NRAP: variants seen among roughly 807,000 people sequenced by gnomAD.
NRAP encodes nebulin related anchoring protein, also known as nebulin-related-anchoring protein.
In NRAP, 189 loss-of-function variants were observed where a neutral mutation model predicts 225.9. The observed-to-expected ratio is 0.84, with a 90% CI of 0.74 to 0.94. The LOEUF (loss-of-function observed/expected upper bound fraction) is 0.94, where lower values mean the gene tolerates loss of function less well. Among genes scored for constraint, NRAP ranks in the 40% least tolerant of loss-of-function variants. NRAP has a pLI of 0.00. For synonymous variants in NRAP, 769 were observed against 790.7 expected (o/e 0.97, Z 0.46); for missense variants, 2,176 against 2,168.7 (o/e 1.00, Z -0.07).
intron 25 of NRAP, among the ~76,000 whole-genome samples, chr10:113,619,199 A>T (rs758029311): frequency 1.3e-5 from 2 of 152,208 alleles, no homozygotes; most frequent in African/African-American, 4.8e-5. Flanking sequence ...CCAGATTAAG[A>T]CACACGAAGG....
chr10:113,635,271 A>G (rs1283977758), intron 14 of NRAP, among the ~76,000 whole-genome samples: 2 of 152,226 alleles, frequency 1.3e-5, no homozygotes, highest in Non-Finnish European at 2.9e-5. Flanking sequence ...AGTGAAGTAA[A>G]GGAACAGGTT....
chr10:113,617,772 C>T (rs1847756115), intron 25 of NRAP, among the ~76,000 whole-genome samples: 1 of 152,094 alleles, frequency 6.6e-6, no homozygotes, highest in Non-Finnish European at 1.5e-5. Context: ...CTACCTGGTG[C>T]AAAGAAAACA....
In NRAP at chr10:113,592,181, A is replaced by C. The variant is rs146627743; in HGVS notation, c.4644+13T>G. 6.5e-6 allele frequency: 10 copies of C among 1,548,340 alleles called. No homozygotes were observed. In the African/African-American group the frequency reaches 1.2e-4, roughly 19 times the overall value. ...CTCATCAGTGACCGCAGGAGAGAAC[A>C]TGGGGGTCTTACATCACTGGCGATC... On this transcript the variant is annotated intron_variant, in intron 39 of 41. Coordinates refer to ENST00000359988, the MANE Select transcript of NRAP (RefSeq NM_198060.4).
At chr10:113,609,896 A>T (rs1261791666) in intron 31 of NRAP, among the ~76,000 whole-genome samples, 1 of 152,090 alleles carries the variant, frequency 6.6e-6, no homozygotes, top group Non-Finnish European at 1.5e-5. Flanking sequence ...TTATATGTTA[A>T]TAGAGGAACT....
intron 18 of NRAP, among the ~76,000 whole-genome samples, chr10:113,630,022 C>A (rs1021936079): frequency 6.6e-6 from 1 of 152,152 alleles, no homozygotes; most frequent in Non-Finnish European, 1.5e-5. Context: ...AATGCTAAAC[C>A]TTTTCACCCG....
chr10:113,620,951 C>T (rs950216602), intron 24 of NRAP, among the ~76,000 whole-genome samples: 9 of 152,254 alleles, frequency 5.9e-5, no homozygotes, highest in East Asian at 3.9e-4. Flanking sequence ...TTGGGGGTGA[C>T]GCAGGAGGGG....
chr10:113,590,976 C>CA, intron 39 of NRAP, 87 bp from the exon 40 acceptor site: 2 of 1,184,552 alleles, frequency 1.7e-6, no homozygotes, highest in Non-Finnish European at 2.4e-6. Context: ...AGGGCATTCT[C>CA]AGCAGGAGGC....
At chr10:113,640,094 C>T (rs1026075390) in intron 14 of NRAP, 133 bp downstream of exon 14, 4 of 535,486 alleles carry the variant, frequency 7.5e-6, no homozygotes, top group African/African-American at 6.0e-5. Flanking sequence ...AAAAGGATTT[C>T]CCTTTCCTCA....
chr10:113,621,001 G>A lies in NRAP; in HGVS notation c.2770-293C>T, dbSNP rs746215812. Among the ~76,000 whole-genome samples, 27 of 152,120 alleles carry A rather than the reference G, an allele frequency of 1.8e-4. No individual in the cohort carries two copies. The East Asian group carries it at 2.7e-3, about 15-fold the overall frequency. Reference sequence around the variant, plus strand: ...CCCCTCATTACGGACGAGTCTACTCGGAAAGAAGCACGTCCTCATTGTCTG... The same window carrying A: ...CCCCTCATTACGGACGAGTCTACTCAGAAAGAAGCACGTCCTCATTGTCTG... On this transcript the variant is annotated intron_variant, in intron 24 of 41. Transcript: ENST00000359988.
intron 35 of NRAP, among the ~76,000 whole-genome samples, chr10:113,598,349 T>C (rs1246742118): frequency 6.7e-6 from 1 of 150,328 alleles, no homozygotes; most frequent in Non-Finnish European, 1.5e-5. Context: ...ATGTGGACGA[T>C]CGCATAAAGA....
At chr10:113,592,362 C>T in intron 38 of NRAP, 61 bp from the exon 39 acceptor site, 1 of 1,132,704 alleles carries the variant, frequency 8.8e-7, no homozygotes, top group Non-Finnish European at 1.3e-6. Flanking sequence ...TTCCATGTTG[C>T]TGGTACTCAG....
intron 12 of NRAP, 34 bp downstream of exon 12, chr10:113,642,900 G>C: frequency 9.1e-7 from 1 of 1,102,810 alleles, no homozygotes; most frequent in South Asian, 1.2e-5. Flanking sequence ...CTCACCAACA[G>C]TGCCCAAACA....
intron 25 of NRAP, 89 bp from the exon 26 acceptor site, chr10:113,617,642 G>A (rs79013904): frequency 1.2e-6 from 1 of 802,256 alleles, no homozygotes; most frequent in Non-Finnish European, 2.2e-6. Flanking sequence ...CTTGAGATTA[G>A]AGTGAATTTG....
At chr10:113,614,794 G>C (rs374518463) in intron 28 of NRAP, 45 bp downstream of exon 28, 1 of 1,143,034 alleles carries the variant, frequency 8.7e-7, no homozygotes, top group Non-Finnish European at 1.3e-6. Context: ...GAGTGAAAAC[G>C]GGTTAGTGTT....
At chr10:113,620,500 T>C (rs1847920753) in intron 25 of NRAP, 104 bp downstream of exon 25, 1 of 835,604 alleles carries the variant, frequency 1.2e-6, no homozygotes, top group Admixed American at 2.0e-5. Context: ...TCATGTGGCT[T>C]TGCCTTTTTC....
chr10:113,663,497 C>T (rs553664962), intron 1 of NRAP, 51 bp from the exon 2 acceptor site: 4 of 1,139,316 alleles, frequency 3.5e-6, no homozygotes, highest in Non-Finnish European at 5.3e-6. Context: ...CCCCCAGACT[C>T]AAGGTTCTTA....
intron 22 of NRAP, 96 bp from the exon 23 acceptor site, chr10:113,623,732 G>A: frequency 1.3e-6 from 1 of 782,788 alleles, no homozygotes; most frequent in Non-Finnish European, 2.2e-6. Context: ...TTCTAGGAAA[G>A]CAATACTGAT....
chr10:113,617,497 CGG>C lies in NRAP; in HGVS notation c.2929_2930del (p.Pro977GlyfsTer8). 1 of 1,612,362 alleles carries C rather than the reference CGG, an allele frequency of 6.2e-7. No homozygotes were observed. The highest frequency in any genetic ancestry group is 1.7e-5 in the Admixed American group (1 of 60,002). ...ALKFTSIKDTPEMVQARISYT... is the reference protein window; with the variant it reads ...ALKFTSIKDTXEMVQARISYT... ...AACTAATTCTGGCCTGGACCATCTC[CGG>C]AGTGTCTTTAATACTGGTAAACTTC... On this transcript the variant is annotated frameshift_variant, in exon 26 of 42. Coordinates refer to ENST00000359988, the MANE Select transcript of NRAP (RefSeq NM_198060.4). LOFTEE classifies it high-confidence loss of function.
chr10:113,634,226 C>T lies in NRAP; in HGVS notation c.1429-16G>A, dbSNP rs762213675. On this transcript the variant is annotated splice_polypyrimidine_tract_variant and intron_variant, in intron 14 of 41. Transcript: ENST00000359988. ...TATAATTGGCCTAGGTAAAAACAGG[C>T]ACAAAAAGATGTCATTTGCTCTTTT... The T allele has an allele frequency of 1.9e-6, 3 of 1,545,094 alleles. No homozygotes were observed. Among genetic ancestry groups the T allele is most frequent in the Non-Finnish European group, 2.7e-6 (3 of 1,117,784 alleles).
Sources: gnomAD v4.1 joint callset for allele counts (sites outside exome capture counted in the v4.1 genomes callset) on GRCh38, gnomAD v4.1.1 for gene constraint, MANE v1.5 for transcripts, NCBI Gene and HGNC (gene_info 2026-07-23, HGNC 2026-07-21) for gene names.